Variants in CACNA2D1 observed in about 807,000 individuals in gnomAD.
The protein encoded by CACNA2D1 is calcium voltage-gated channel auxiliary subunit alpha2delta 1, also known as voltage-dependent calcium channel subunit alpha-2/delta-1.
In CACNA2D1, 53 loss-of-function variants were observed where a neutral mutation model predicts 171.5. The ratio of observed to expected loss-of-function variants is 0.31; its 90% CI spans 0.25 to 0.39. The LOEUF is 0.39. Ranked by LOEUF, CACNA2D1 falls within the 10% of genes least tolerant of loss-of-function variation. CACNA2D1 has a pLI of 1.00. For synonymous variants in CACNA2D1, 442 were observed against 443.1 expected (o/e 1.00, Z 0.03); for missense variants, 903 against 1,299.8 (o/e 0.69, Z 4.69).
intron 1 of CACNA2D1, among the ~76,000 whole-genome samples, chr7:82,397,414 GT>G (rs886691307): frequency 1.3e-5 from 2 of 150,676 alleles, no homozygotes; most frequent in Admixed American, 6.6e-5. Flanking sequence ...TTGGTCCTTC[GT>G]TTTTTTTCTT....
At chr7:82,001,523 C>T (rs1668072513) in intron 18 of CACNA2D1, 1 of 281,420 alleles carries the variant, frequency 3.6e-6, no homozygotes, top group South Asian at 3.7e-5. Flanking sequence ...AAATGATGCT[C>T]ATCTCATTTC....
intron 7 of CACNA2D1, among the ~76,000 whole-genome samples, chr7:82,080,155 ATATG>A (rs58411537): frequency 0.78 from 116,705 of 149,412 alleles, 45,774 homozygotes; most frequent in Middle Eastern, 0.84. Context: ...ATATACCTAT[ATATG>A]TATATAGGTG....
chr7:82,324,803 T>C (rs921336753), intron 3 of CACNA2D1, among the ~76,000 whole-genome samples: 12 of 152,042 alleles, frequency 7.9e-5, no homozygotes, highest in African/African-American at 2.9e-4. Context: ...ATTTATTAAG[T>C]GGAAGAAAAT....
At chr7:82,358,655 TC>T (rs1270018966) in intron 1 of CACNA2D1, among the ~76,000 whole-genome samples, 3 of 151,704 alleles carry the variant, frequency 2.0e-5, no homozygotes. Context: ...TGTTCATGTT[TC>T]TCTGCCTTCA....
At chr7:81,994,803 A>C (rs1217764887) in intron 20 of CACNA2D1, 65 bp downstream of exon 20, 1 of 815,982 alleles carries the variant, frequency 1.2e-6, no homozygotes, top group Non-Finnish European at 2.1e-6. Context: ...AAAAAGGACA[A>C]GTTACCAATA....
At chr7:82,151,293 A>ATCTTT (rs1223299842) in intron 4 of CACNA2D1, among the ~76,000 whole-genome samples, 1 of 152,138 alleles carries the variant, frequency 6.6e-6, no homozygotes, top group Admixed American at 6.5e-5. Flanking sequence ...AGTAAATGCA[A>ATCTTT]TCTTTTCTTT....
intron 7 of CACNA2D1, among the ~76,000 whole-genome samples, chr7:82,068,502 C>T (rs562507110): frequency 6.6e-6 from 1 of 152,054 alleles, no homozygotes; most frequent in Non-Finnish European, 1.5e-5. Context: ...AATATTATAT[C>T]GGATATTCAT....
intron 19 of CACNA2D1, among the ~76,000 whole-genome samples, chr7:81,995,831 A>G (rs1005098986): frequency 1.3e-5 from 2 of 150,868 alleles, no homozygotes; most frequent in Non-Finnish European, 2.9e-5. Flanking sequence ...GCAAGGTTAC[A>G]TTATCCACTA....
intron 4 of CACNA2D1, among the ~76,000 whole-genome samples, chr7:82,169,390 A>C (rs1466973054): frequency 6.6e-6 from 1 of 151,710 alleles, no homozygotes. Context: ...TCAGTTCAGT[A>C]GAGAATCAAA....
In CACNA2D1 at chr7:81,983,069, G is replaced by C. The variant is rs1796600003; in HGVS notation, c.1894+245C>G. ...CATTCCTCATATTAGGTATGAATTAGTAAGTGGAAGGATACAAAACAAAGC... is the reference window on the plus strand; with the variant it reads ...CATTCCTCATATTAGGTATGAATTACTAAGTGGAAGGATACAAAACAAAGC... On this transcript the variant is annotated intron_variant, in intron 23 of 38. Coordinates refer to ENST00000356860, the MANE Select transcript of CACNA2D1 (RefSeq NM_000722.4). Among the ~76,000 whole-genome samples, 4 of 152,120 alleles carry C rather than the reference G, an allele frequency of 2.6e-5. No individual in the cohort carries two copies. In the South Asian group the frequency reaches 8.3e-4, roughly 32 times the overall value.
At chr7:82,367,694 A>C (rs997180980) in intron 1 of CACNA2D1, among the ~76,000 whole-genome samples, 30 of 152,176 alleles carry the variant, frequency 2.0e-4, no homozygotes, top group African/African-American at 7.2e-4. Flanking sequence ...AATAAAAAAA[A>C]GATGACTCTT....
At chr7:82,114,904 G>C (rs1038812261) in intron 6 of CACNA2D1, among the ~76,000 whole-genome samples, 1 of 151,910 alleles carries the variant, frequency 6.6e-6, no homozygotes, top group African/African-American at 2.4e-5. Flanking sequence ...AATACATGTT[G>C]TAAACAAAAT....
At chr7:82,349,436 C>G (rs890958348) in intron 2 of CACNA2D1, 132 bp downstream of exon 2, 1 of 810,526 alleles carries the variant, frequency 1.2e-6, no homozygotes, top group Non-Finnish European at 2.2e-6. Flanking sequence ...TGGTTTCTCT[C>G]AGAATTTCAC....
chr7:82,059,807 T>C (rs1252301257), intron 10 of CACNA2D1, among the ~76,000 whole-genome samples: 2 of 150,488 alleles, frequency 1.3e-5, no homozygotes, highest in African/African-American at 4.9e-5. Flanking sequence ...CATGGAATAC[T>C]ATGCAGCCAT....
intron 3 of CACNA2D1, among the ~76,000 whole-genome samples, chr7:82,216,111 G>A (rs535187173): frequency 1.3e-5 from 2 of 151,978 alleles, no homozygotes; most frequent in Admixed American, 6.6e-5. Flanking sequence ...ACAAAACCAT[G>A]GCTCTTGTTT....
intron 3 of CACNA2D1, among the ~76,000 whole-genome samples, chr7:82,316,196 T>C (rs1815102915): frequency 6.6e-6 from 1 of 152,154 alleles, no homozygotes; most frequent in Non-Finnish European, 1.5e-5. Context: ...AGTAACTACA[T>C]AAGAATTTAA....
rs1387891348 is a variant in CACNA2D1, at chr7:82,287,277, A to G, written c.294+47858T>C. Among the ~76,000 whole-genome samples, 7 of 143,038 alleles carry G rather than the reference A, an allele frequency of 4.9e-5. No homozygotes were observed. In the South Asian group the frequency reaches 1.5e-3, roughly 30 times the overall value. 93.8% of individuals were successfully genotyped at this position (143,038 alleles called of 152,430 possible). Reference sequence around the variant, plus strand: ...TCTTTTCTTTCTTTTTTTTTTTAATACACTAGAGTCCCTTGTTTATTTCCA... The same window carrying G: ...TCTTTTCTTTCTTTTTTTTTTTAATGCACTAGAGTCCCTTGTTTATTTCCA... On this transcript the variant is annotated intron_variant, in intron 3 of 38. Coordinates refer to ENST00000356860, the MANE Select transcript of CACNA2D1 (RefSeq NM_000722.4).
At chr7:82,267,278 C>T (rs1425617196) in intron 3 of CACNA2D1, among the ~76,000 whole-genome samples, 1 of 152,120 alleles carries the variant, frequency 6.6e-6, no homozygotes, top group Non-Finnish European at 1.5e-5. Context: ...TGTGAGTGTG[C>T]GTGTATAAAA....
Position 82,273,958 on chromosome 7 carries a change from G to A in CACNA2D1, c.294+61177C>T, listed in dbSNP as rs567549476. Among the ~76,000 whole-genome samples, 4 of 152,246 alleles carry A rather than the reference G, an allele frequency of 2.6e-5. No homozygotes were observed. The South Asian group carries it at 8.3e-4, about 32-fold the overall frequency. On this transcript the variant is annotated intron_variant, in intron 3 of 38. Coordinates refer to ENST00000356860, the MANE Select transcript of CACNA2D1 (RefSeq NM_000722.4). ...ACAATGAGAATGTAATTTTTCTACT[G>A]AAGAAAATAATCCCAGTCATTGTAA...
Sources: gnomAD v4.1 joint callset for allele counts (sites outside exome capture counted in the v4.1 genomes callset) on GRCh38, gnomAD v4.1.1 for gene constraint, MANE v1.5 for transcripts, NCBI Gene and HGNC (gene_info 2026-07-23, HGNC 2026-07-21) for gene names.